OCIAD1: variants seen among roughly 807,000 people sequenced by gnomAD.
The protein encoded by OCIAD1 is OCIA domain containing 1, also known as OCIA domain-containing protein 1.
Under a neutral mutation model 38.9 loss-of-function variants are expected in OCIAD1, and 29 were observed. That is an observed-to-expected ratio of 0.74 (90% CI 0.55 to 1.02). OCIAD1 has a LOEUF of 1.02. Ranked by LOEUF, OCIAD1 falls within the 50% of genes least tolerant of loss-of-function variation. OCIAD1 has a pLI of 0.00. For synonymous variants in OCIAD1, 110 were observed against 92.0 expected (o/e 1.20, Z -1.12); for missense variants, 288 against 289.6 (o/e 0.99, Z 0.04).
intron 1 of OCIAD1, among the ~76,000 whole-genome samples, chr4:48,824,373 G>A (rs758419545): frequency 4.0e-5 from 6 of 151,624 alleles, no homozygotes; most frequent in Non-Finnish European, 8.8e-5. Flanking sequence ...CTCTAAAACT[G>A]TTTTTGTTTT....
intron 7 of OCIAD1, among the ~76,000 whole-genome samples, chr4:48,853,906 A>G (rs1357468440): frequency 2.6e-5 from 4 of 152,158 alleles, no homozygotes; most frequent in East Asian, 1.9e-4. Flanking sequence ...AAGAATTTGG[A>G]TGAAAGTTAT....
chr4:48,852,891 T>G (rs1370917926), intron 7 of OCIAD1, among the ~76,000 whole-genome samples: 1 of 144,356 alleles, frequency 6.9e-6, no homozygotes, highest in African/African-American at 2.7e-5. Context: ...TGTTTTTTTT[T>G]TTTTTTTTGA....
chr4:48,844,789 A>G (rs1324830719), intron 4 of OCIAD1, among the ~76,000 whole-genome samples: 1 of 152,180 alleles, frequency 6.6e-6, no homozygotes, highest in African/African-American at 2.4e-5. Context: ...TAAGTCTCTG[A>G]TATAAAACGG....
At chr4:48,850,699 G>C (rs1237700364) in intron 6 of OCIAD1, among the ~76,000 whole-genome samples, 1 of 152,098 alleles carries the variant, frequency 6.6e-6, no homozygotes, top group Non-Finnish European at 1.5e-5. Context: ...TCAGCCTCTG[G>C]AGTAGCTGAG....
At chr4:48,845,862 C>A (rs1337901729) in intron 4 of OCIAD1, among the ~76,000 whole-genome samples, 3 of 152,226 alleles carry the variant, frequency 2.0e-5, no homozygotes, top group African/African-American at 7.2e-5. Flanking sequence ...ATCTGTACTG[C>A]CAGCATAATT....
intron 5 of OCIAD1, among the ~76,000 whole-genome samples, chr4:48,849,089 G>T (rs957632012): frequency 6.6e-6 from 1 of 152,068 alleles, no homozygotes; most frequent in African/African-American, 2.4e-5. Context: ...GGTGGGAATC[G>T]AACAATGAGA....
chr4:48,823,575 CAT>C (rs1011272783), intron 1 of OCIAD1, among the ~76,000 whole-genome samples: 4 of 151,694 alleles, frequency 2.6e-5, no homozygotes, highest in African/African-American at 9.7e-5. Context: ...AAAAAAAAGA[CAT>C]ATTGTAATAC....
At chr4:48,820,021 G>C (rs1456801656) in intron 1 of OCIAD1, among the ~76,000 whole-genome samples, 1 of 152,102 alleles carries the variant, frequency 6.6e-6, no homozygotes, top group Non-Finnish European at 1.5e-5. Flanking sequence ...GGATATTCAG[G>C]ATGTGAATTC....
intron 1 of OCIAD1, 111 bp from the exon 2 acceptor site, chr4:48,832,509 G>T: frequency 1.3e-6 from 1 of 776,774 alleles, no homozygotes; most frequent in Non-Finnish European, 2.3e-6. Flanking sequence ...ATAAATATTT[G>T]TTGATTGATT....
At chr4:48,849,910 C>G (rs1423186950) in intron 5 of OCIAD1, 37 bp from the exon 6 acceptor site, 2 of 1,555,910 alleles carry the variant, frequency 1.3e-6, no homozygotes, top group East Asian at 2.3e-5. Context: ...CTGAAAGGCA[C>G]ATTCAGTTAC....
At chr4:48,854,425 T>A (rs879566062) in intron 7 of OCIAD1, among the ~76,000 whole-genome samples, 6 of 152,228 alleles carry the variant, frequency 3.9e-5, no homozygotes, top group Non-Finnish European at 5.9e-5. Flanking sequence ...CAGACCATGG[T>A]TGACTGCAGG....
At chr4:48,838,022 A>T (rs1207616067) in intron 3 of OCIAD1, among the ~76,000 whole-genome samples, 1 of 152,318 alleles carries the variant, frequency 6.6e-6, no homozygotes, top group African/African-American at 2.4e-5. Context: ...TCACAGGTTG[A>T]AAAGACAAAA....
At chr4:48,826,122 G>A (rs2109499072), upstream of OCIAD1, among the ~76,000 whole-genome samples, 1 of 152,164 alleles carries the variant, frequency 6.6e-6, no homozygotes, top group South Asian at 2.1e-4. Flanking sequence ...ACAGGCATGA[G>A]CTACTGTGCT....
intron 1 of OCIAD1, among the ~76,000 whole-genome samples, chr4:48,817,416 A>G (rs1160257034): frequency 6.6e-6 from 1 of 151,686 alleles, no homozygotes; most frequent in Non-Finnish European, 1.5e-5. Flanking sequence ...CAGCCGGGTT[A>G]CTACACTTTT....
chr4:48,850,229 T>C lies in OCIAD1; in HGVS notation c.377+147T>C, dbSNP rs546869157. 1.6e-5 allele frequency: 12 copies of C among 770,548 alleles called. No homozygotes were observed. In the Admixed American group the frequency reaches 2.4e-4, roughly 15 times the overall value. The allele number at this position is 770,548 out of a possible 1,614,324, so 47.7% of individuals were successfully genotyped here. ...GGCTAAAAGTAATTTGCTTCAAAAATTGGAGCAAGACTTGCCACCATTTAT... is the reference window on the plus strand; with the variant it reads ...GGCTAAAAGTAATTTGCTTCAAAAACTGGAGCAAGACTTGCCACCATTTAT... On this transcript the variant is annotated intron_variant, in intron 6 of 8. Coordinates refer to ENST00000264312, the MANE Select transcript of OCIAD1 (RefSeq NM_017830.4).
intron 1 of OCIAD1, among the ~76,000 whole-genome samples, chr4:48,825,518 T>G (rs1458389584): frequency 6.6e-6 from 1 of 152,218 alleles, no homozygotes; most frequent in Non-Finnish European, 1.5e-5. Context: ...ATCATTCTCA[T>G]CACTTTTGGG....
intron 5 of OCIAD1, among the ~76,000 whole-genome samples, chr4:48,849,448 T>A (rs1442004963): frequency 6.6e-6 from 1 of 152,176 alleles, no homozygotes; most frequent in Non-Finnish European, 1.5e-5. Flanking sequence ...TAGGTTATGG[T>A]TCGTAATTTA....
chr4:48,843,400 T>C (rs944080333), intron 4 of OCIAD1, among the ~76,000 whole-genome samples: 2 of 152,206 alleles, frequency 1.3e-5, no homozygotes, highest in Non-Finnish European at 2.9e-5. Context: ...TAGGATGGCC[T>C]GGAGGCCTAT....
intron 1 of OCIAD1, among the ~76,000 whole-genome samples, chr4:48,810,731 G>A (rs1237629855): frequency 6.6e-6 from 1 of 151,872 alleles, no homozygotes; most frequent in Non-Finnish European, 1.5e-5. Context: ...AGAGAGACAA[G>A]GAATAAGTAA....
Sources: allele counts gnomAD v4.1 joint callset (sites outside exome capture counted in the v4.1 genomes callset), GRCh38; gene constraint gnomAD v4.1.1; transcripts MANE v1.5; gene names NCBI Gene and HGNC (gene_info 2026-07-23, HGNC 2026-07-21).